The following MAP2K4 variants were observed in gnomAD, a reference collection of about 807,000 sequenced individuals.
MAP2K4 encodes mitogen-activated protein kinase kinase 4, also known as dual specificity mitogen-activated protein kinase kinase 4.
MAP2K4 carries 4 observed loss-of-function variants against 48.5 expected under a neutral mutation model. That is an observed-to-expected ratio of 0.08 (90% CI 0.04 to 0.19). The LOEUF (loss-of-function observed/expected upper bound fraction) is 0.19. MAP2K4 is among the 10% of genes least tolerant of loss of function. MAP2K4 has a pLI of 1.00. For missense variants in MAP2K4, 258 were observed against 493.3 expected (o/e 0.52, Z 4.52); for synonymous variants, 166 against 173.1 (o/e 0.96, Z 0.32).
At chr17:12,126,319 T>A (rs1972852299) in intron 8 of MAP2K4, among the ~76,000 whole-genome samples, 1 of 152,252 alleles carries the variant, frequency 6.6e-6, no homozygotes, top group South Asian at 2.1e-4. Flanking sequence ...AACTCTTCTT[T>A]CTTACCTATG....
At chr17:12,030,157 A>C (rs915774169) in intron 1 of MAP2K4, among the ~76,000 whole-genome samples, 2 of 152,158 alleles carry the variant, frequency 1.3e-5, no homozygotes, top group African/African-American at 4.8e-5. Context: ...TATAAGCACT[A>C]ACTTTCTGAC....
At chr17:12,120,460 A>G (rs1034061167) in intron 7 of MAP2K4, among the ~76,000 whole-genome samples, 19 of 152,160 alleles carry the variant, frequency 1.2e-4, no homozygotes, top group African/African-American at 3.4e-4. Context: ...ATTCTGTCTC[A>G]AAAAACATAT....
intron 7 of MAP2K4, chr17:12,124,397 T>G (rs1972785816): frequency 6.6e-6 from 1 of 152,236 alleles, no homozygotes; most frequent in Non-Finnish European, 1.5e-5. Flanking sequence ...GTACATAGGA[T>G]AATATATTAC....
At chr17:12,103,455 CTTTT>C (rs1269247404) in intron 4 of MAP2K4, among the ~76,000 whole-genome samples, 1 of 151,868 alleles carries the variant, frequency 6.6e-6, no homozygotes, top group African/African-American at 2.4e-5. Context: ...GCTTAATTTG[CTTTT>C]TTTGTTTGTT....
chr17:12,143,684 C>G lies in MAP2K4; in HGVS notation c.*2424C>G, dbSNP rs1973446070. The G allele has an allele frequency of 4.3e-6, 1 of 230,608 alleles. No individual in the cohort carries two copies. The allele number at this position is 230,608 out of a possible 1,614,324, so 14.3% of individuals were successfully genotyped here. The stretch of plus-strand genomic sequence containing the variant: ...GAATCGAAGTGTTTATGTAATAGTT[C>G]TATCCTTTTGCCTGCAGGTCAGTTG... On this transcript the variant is annotated 3_prime_UTR_variant, in exon 11 of 11. Coordinates refer to ENST00000353533, the MANE Select transcript of MAP2K4 (RefSeq NM_003010.4).
chr17:12,139,821 A>AT lies in MAP2K4; in HGVS notation c.1041-13dup. On this transcript the variant is annotated splice_polypyrimidine_tract_variant and intron_variant, in intron 9 of 10. Transcript: ENST00000353533. The stretch of plus-strand genomic sequence containing the variant: ...AATGAATCTACATTTTAATAATGTT[A>AT]TTTTTATGTTATTTTAGCCTTACGA... 1 of 1,555,984 alleles carries AT rather than the reference A, an allele frequency of 6.4e-7. No individual in the cohort carries two copies. The highest frequency in any genetic ancestry group is 8.8e-7 in the Non-Finnish European group (1 of 1,136,450).
intron 1 of MAP2K4, among the ~76,000 whole-genome samples, chr17:12,026,423 A>G (rs928175472): frequency 5.9e-5 from 9 of 152,208 alleles, no homozygotes; most frequent in East Asian, 5.8e-4. Context: ...GATGGCTCCA[A>G]TGATACAACC....
chr17:12,074,420 CT>C (rs1295906701), intron 2 of MAP2K4, among the ~76,000 whole-genome samples: 1 of 152,082 alleles, frequency 6.6e-6, no homozygotes, highest in Non-Finnish European at 1.5e-5. Context: ...TCAGGTCTTG[CT>C]TTTTAGCTTT....
chr17:12,055,645 A>T (rs1028029398), intron 2 of MAP2K4, among the ~76,000 whole-genome samples: 3 of 152,038 alleles, frequency 2.0e-5, no homozygotes, highest in Non-Finnish European at 4.4e-5. Context: ...TAATTTCTCA[A>T]CAATTTGCAT....
chr17:12,107,430 T>A (rs1385040316), intron 4 of MAP2K4, among the ~76,000 whole-genome samples: 1 of 150,710 alleles, frequency 6.6e-6, no homozygotes, highest in Non-Finnish European at 1.5e-5. Context: ...ATGTAGTCTC[T>A]TAAGATTACT....
chr17:12,121,580 A>C (rs1261083337), intron 7 of MAP2K4, among the ~76,000 whole-genome samples: 1 of 151,812 alleles, frequency 6.6e-6, no homozygotes, highest in Non-Finnish European at 1.5e-5. Context: ...GTCTCAAAAA[A>C]AAAAAAAAAA....
chr17:12,117,609 TTTTTTTGCTCA>T (rs1972546905), intron 7 of MAP2K4, among the ~76,000 whole-genome samples: 1 of 152,160 alleles, frequency 6.6e-6, no homozygotes, highest in South Asian at 2.1e-4. Flanking sequence ...TTTTTTTTGT[TTTTTTTGCTCA>T]TTTTTTGCTC....
chr17:12,063,449 A>G (rs1597427298), intron 2 of MAP2K4, among the ~76,000 whole-genome samples: 1 of 152,224 alleles, frequency 6.6e-6, no homozygotes, highest in Non-Finnish European at 1.5e-5. Context: ...TTGAAAGGAT[A>G]AATTTTAATT....
chr17:12,133,653 A>G (rs1973111473), intron 9 of MAP2K4, among the ~76,000 whole-genome samples: 1 of 152,178 alleles, frequency 6.6e-6, no homozygotes, highest in African/African-American at 2.4e-5. Flanking sequence ...GGAAGAAAAA[A>G]CAAAAAATGT....
chr17:12,127,413 A>G (rs1567673235), intron 8 of MAP2K4, among the ~76,000 whole-genome samples: 2 of 152,308 alleles, frequency 1.3e-5, no homozygotes, highest in South Asian at 4.1e-4. Flanking sequence ...ATACTTATCT[A>G]TGACTAAACA....
intron 4 of MAP2K4, among the ~76,000 whole-genome samples, chr17:12,100,483 TGTTTTCA>T (rs1051964043): frequency 3.9e-5 from 6 of 152,218 alleles, no homozygotes; most frequent in African/African-American, 1.4e-4. Context: ...CCATTTGGAT[TGTTTTCA>T]GTTTTTGTCT....
chr17:12,091,218 G>A (rs1045664416), intron 3 of MAP2K4, among the ~76,000 whole-genome samples: 1 of 152,138 alleles, frequency 6.6e-6, no homozygotes, highest in Non-Finnish European at 1.5e-5. Flanking sequence ...CAAGATTTTG[G>A]TCCATCGATG....
chr17:12,109,220 A>G (rs1054460575), intron 5 of MAP2K4, among the ~76,000 whole-genome samples: 2 of 152,178 alleles, frequency 1.3e-5, no homozygotes, highest in Non-Finnish European at 2.9e-5. Context: ...TAACCGCTGT[A>G]TAACAGGGTG....
intron 3 of MAP2K4, among the ~76,000 whole-genome samples, chr17:12,083,115 A>C (rs967907070): frequency 5.3e-5 from 8 of 152,186 alleles, no homozygotes; most frequent in Non-Finnish European, 7.3e-5. Flanking sequence ...TGCTTTTTAC[A>C]GTTTGTGTTA....
Sources: allele counts gnomAD v4.1 joint callset (sites outside exome capture counted in the v4.1 genomes callset), GRCh38; gene constraint gnomAD v4.1.1; transcripts MANE v1.5; gene names NCBI Gene and HGNC (gene_info 2026-07-23, HGNC 2026-07-21).